Variants in MAP7D2 observed in about 807,000 individuals in gnomAD.
MAP7D2 encodes MAP7 domain containing 2, also known as MAP7 domain-containing protein 2.
In MAP7D2, 33 loss-of-function variants were observed where a neutral mutation model predicts 63.5. The observed-to-expected ratio is 0.52, with a 90% CI of 0.39 to 0.70. The LOEUF is 0.70. Among genes scored for constraint, MAP7D2 ranks in the 30% least tolerant of loss-of-function variants. The pLI is 0.00. For missense variants in MAP7D2, 626 were observed against 604.0 expected (o/e 1.04, Z -0.38); for synonymous variants, 224 against 223.7 (o/e 1.00, Z -0.01).
intron 1 of MAP7D2, among the ~76,000 whole-genome samples, chrX:20,108,438 T>C (rs2066632372): frequency 9.1e-6 from 1 of 109,570 alleles, no homozygotes; most frequent in African/African-American, 3.3e-5. Context: ...TTTCGCCATA[T>C]TGCCCAGGCT....
rs185040438 is a variant in MAP7D2, at chrX:20,033,521, C to T, written c.1008-7569G>A. On this transcript the variant is annotated intron_variant, in intron 8 of 16. Coordinates refer to ENST00000379643, the MANE Select transcript of MAP7D2 (RefSeq NM_001168465.2). ...AGTTTTCTAAAACCCATGCAAGTACCCAATGATGAAAACAATAAAAATAAA... is the reference window on the plus strand; with the variant it reads ...AGTTTTCTAAAACCCATGCAAGTACTCAATGATGAAAACAATAAAAATAAA... Among the ~76,000 whole-genome samples the T allele has an allele frequency of 6.6e-3, 737 of 111,775 alleles. 2 individuals are homozygous for T. The highest frequency in any genetic ancestry group is 0.019 in the Middle Eastern group (4 of 214).
At chrX:20,021,039 G>T (rs1240730082) in intron 10 of MAP7D2, among the ~76,000 whole-genome samples, 4 of 111,767 alleles carry the variant, frequency 3.6e-5, no homozygotes, top group African/African-American at 3.3e-5. Context: ...TTTTTAACAT[G>T]ACTTAAAGTG....
intron 1 of MAP7D2, among the ~76,000 whole-genome samples, chrX:20,102,976 G>A (rs901498372): frequency 2.7e-5 from 3 of 111,286 alleles, no homozygotes; most frequent in African/African-American, 9.8e-5. Context: ...CAATGTCTGA[G>A]GCCGCAGTTT....
rs1413717812 is a variant in MAP7D2, at chrX:20,096,064, AG to A, written c.130+20685del. ...GCCACTGCACTCCAGCCTGGGCAAC[AG>A]AGCAAGACTCTTCCTCAAAAAAAAA... On this transcript the variant is annotated intron_variant, in intron 1 of 16. Coordinates refer to ENST00000379643, the MANE Select transcript of MAP7D2 (RefSeq NM_001168465.2). 3.1e-5 allele frequency among the ~76,000 whole-genome samples: 3 copies of A among 96,059 alleles called. No individual in the cohort carries two copies. The East Asian group carries it at 9.9e-4, about 32-fold the overall frequency. 83.4% of individuals were successfully genotyped at this position (96,059 alleles called of 115,157 possible).
chrX:20,057,720 C>T (rs1397049234), intron 3 of MAP7D2, among the ~76,000 whole-genome samples: 2 of 111,479 alleles, frequency 1.8e-5, no homozygotes, highest in Admixed American at 9.5e-5. Flanking sequence ...AACCCAACCC[C>T]GAGGTGCTCC....
In MAP7D2 at chrX:20,042,553, C is replaced by A; in HGVS notation, c.956G>T (p.Cys319Phe). 8.3e-7 allele frequency: 1 copy of A among 1,211,513 alleles called. No homozygotes were observed. Residue 319 changes from cysteine to phenylalanine, a missense_variant, in exon 8 of 17, where the codon TGT becomes TTT. By Grantham distance (205) the Cys-to-Phe change is radical. Coordinates refer to ENST00000379643, the MANE Select transcript of MAP7D2 (RefSeq NM_001168465.2). Reference sequence around the variant, plus strand: ...CTTAGGAATGCCTCCAGAAAACTCACATCTTCTCAGAGGGGACCCGAAGTT... The same window carrying A: ...CTTAGGAATGCCTCCAGAAAACTCAAATCTTCTCAGAGGGGACCCGAAGTT... Reference protein sequence around the residue: ...VVNFGSPLRRCEFSGGIPKRP... With the variant: ...VVNFGSPLRRFEFSGGIPKRP...
chrX:20,059,155 C>A (rs2065136541), intron 3 of MAP7D2, among the ~76,000 whole-genome samples: 1 of 112,395 alleles, frequency 8.9e-6, no homozygotes, highest in Admixed American at 9.4e-5. Context: ...CTAAGTGAAT[C>A]TGAATTTAAA....
At chrX:20,086,542 T>A (rs2065914946) in intron 1 of MAP7D2, among the ~76,000 whole-genome samples, 1 of 110,986 alleles carries the variant, frequency 9.0e-6, no homozygotes, top group Admixed American at 9.6e-5. Flanking sequence ...AGGAGAACAG[T>A]GGTTGGCATC....
chrX:20,109,857 G>C (rs1342359568), intron 1 of MAP7D2, among the ~76,000 whole-genome samples: 3 of 110,012 alleles, frequency 2.7e-5, no homozygotes, highest in African/African-American at 9.9e-5. Context: ...CCAACATGGT[G>C]AAACCCCGAC....
chrX:20,090,212 C>T (rs746511921), intron 1 of MAP7D2, among the ~76,000 whole-genome samples: 64 of 109,633 alleles, frequency 5.8e-4, no homozygotes, highest in Middle Eastern at 4.7e-3. Context: ...TTGCCGAATC[C>T]GGCCGGGCAT....
intron 8 of MAP7D2, among the ~76,000 whole-genome samples, chrX:20,029,278 G>A (rs1223032142): frequency 8.9e-6 from 1 of 112,359 alleles, no homozygotes; most frequent in East Asian, 2.8e-4. Flanking sequence ...GCCTGAACTG[G>A]CTGCAGCCTC....
intron 1 of MAP7D2, among the ~76,000 whole-genome samples, chrX:20,083,220 C>T (rs1216192165): frequency 1.8e-5 from 2 of 111,984 alleles, no homozygotes; most frequent in African/African-American, 3.2e-5. Context: ...AAAGGTAAAC[C>T]GTGGAACTGA....
intron 1 of MAP7D2, among the ~76,000 whole-genome samples, chrX:20,088,641 T>A (rs1233436730): frequency 9.2e-6 from 1 of 109,008 alleles, no homozygotes; most frequent in African/African-American, 3.3e-5. Flanking sequence ...CAGTTCTTTG[T>A]CTGACATTTT....
At position 20,008,546 on chromosome X, in the gene MAP7D2, T is replaced by C. The variant is rs1316015624; in HGVS notation, c.*27-148A>G. ...CAATTATATTTTCCTCCTGGGCTTATACAGTATTTCTCAACAGAAGTGATA... is the reference window on the plus strand; with the variant it reads ...CAATTATATTTTCCTCCTGGGCTTACACAGTATTTCTCAACAGAAGTGATA... On this transcript the variant is annotated intron_variant, in intron 16 of 16. Coordinates refer to ENST00000379643, the MANE Select transcript of MAP7D2 (RefSeq NM_001168465.2). 2 of 112,511 alleles carry C rather than the reference T, an allele frequency of 1.8e-5. 1 individual carries two copies. Among genetic ancestry groups the C allele is most frequent in the African/African-American group, 6.5e-5 (2 of 30,935 alleles). 9.3% of individuals were successfully genotyped at this position (112,511 alleles called of 1,213,427 possible).
At chrX:20,015,877 C>A (rs1050747924) in intron 11 of MAP7D2, among the ~76,000 whole-genome samples, 1 of 112,106 alleles carries the variant, frequency 8.9e-6, no homozygotes, top group Non-Finnish European at 1.9e-5. Context: ...CACTCAAATT[C>A]TTAGCCCAGG....
At chrX:20,083,322 T>C (rs934846784) in intron 1 of MAP7D2, among the ~76,000 whole-genome samples, 9 of 112,162 alleles carry the variant, frequency 8.0e-5, no homozygotes, top group African/African-American at 2.9e-4. Flanking sequence ...CAAGCTTCTC[T>C]TTTGGCCATT....
At chrX:20,112,423 G>A (rs1037530128) in intron 1 of MAP7D2, among the ~76,000 whole-genome samples, 1 of 112,012 alleles carries the variant, frequency 8.9e-6, no homozygotes, top group Admixed American at 9.5e-5. Context: ...AAAGTTCCTA[G>A]GCAAGAGGAA....
chrX:20,038,889 A>G (rs1384852421), intron 8 of MAP7D2, among the ~76,000 whole-genome samples: 1 of 112,183 alleles, frequency 8.9e-6, no homozygotes, highest in Non-Finnish European at 1.9e-5. Flanking sequence ...CGTGGAATAC[A>G]GGAGATCCCT....
intron 11 of MAP7D2, among the ~76,000 whole-genome samples, chrX:20,015,880 AGCCCAGGGTTT>A (rs2073367892): frequency 8.9e-6 from 1 of 112,094 alleles, no homozygotes; most frequent in South Asian, 3.7e-4. Flanking sequence ...TCAAATTCTT[AGCCCAGGGTTT>A]GCCTTTGGGG....
Sources: gnomAD v4.1 joint callset for allele counts (sites outside exome capture counted in the v4.1 genomes callset) on GRCh38, gnomAD v4.1.1 for gene constraint, MANE v1.5 for transcripts, NCBI Gene and HGNC (gene_info 2026-07-23, HGNC 2026-07-21) for gene names.